The following CPA6 variants were observed in gnomAD, a reference collection of about 807,000 sequenced individuals.
CPA6 encodes carboxypeptidase A6.
CPA6 carries 58 observed loss-of-function variants against 63.3 expected under a neutral mutation model. The ratio of observed to expected loss-of-function variants is 0.92; its 90% confidence interval spans 0.74 to 1.14. The LOEUF is 1.14. Ranked by LOEUF, CPA6 falls within the 50% of genes most tolerant of loss-of-function variation. The pLI is 0.00. For missense variants in CPA6, 565 were observed against 526.6 expected (o/e 1.07, Z -0.71); for synonymous variants, 185 against 179.0 (o/e 1.03, Z -0.27).
chr8:67,526,769 A>C (rs1470141366), intron 2 of CPA6, among the ~76,000 whole-genome samples: 1 of 152,046 alleles, frequency 6.6e-6, no homozygotes, highest in Non-Finnish European at 1.5e-5. Context: ...GGCACCCTGC[A>C]TTTTTCTGTA....
At chr8:67,547,237 A>G (rs1165238186) in intron 2 of CPA6, among the ~76,000 whole-genome samples, 1 of 151,956 alleles carries the variant, frequency 6.6e-6, no homozygotes, top group Non-Finnish European at 1.5e-5. Flanking sequence ...TAGTAGATAC[A>G]GGGTTTCACT....
chr8:67,560,178 T>TATATATATATATA (rs1564000623), intron 2 of CPA6, among the ~76,000 whole-genome samples: 11 of 150,280 alleles, frequency 7.3e-5, no homozygotes, highest in South Asian at 2.1e-4. Flanking sequence ...TATATATATA[T>TATATATATATATA]TCCAGATGTA....
At chr8:67,521,417 T>C (rs2128967392) in intron 2 of CPA6, among the ~76,000 whole-genome samples, 1 of 152,362 alleles carries the variant, frequency 6.6e-6, no homozygotes, top group Admixed American at 6.5e-5. Context: ...TCCTCATGTG[T>C]ACTGTGAAGA....
At chr8:67,482,628 C>A (rs987386443) in intron 8 of CPA6, among the ~76,000 whole-genome samples, 3 of 152,132 alleles carry the variant, frequency 2.0e-5, no homozygotes, top group African/African-American at 7.2e-5. Flanking sequence ...GGTCAGGGAA[C>A]AAGGGATAGG....
rs1211819002 is a variant in CPA6, at chr8:67,607,169, C to CTCTTCTTCT, written c.192+16998_192+17006dup. Among the ~76,000 whole-genome samples the CTCTTCTTCT allele has an allele frequency of 8.2e-3, 232 of 28,370 alleles. 10 individuals carry two copies. The highest frequency in any genetic ancestry group is 0.01 in the Non-Finnish European group (174 of 17,034). The allele number at this position is 28,370 out of a possible 152,430, so 18.6% of individuals were successfully genotyped here. A position where few individuals can be genotyped will look rare whatever the true frequency, so the allele number is the denominator to read the frequency against. ...CCCCCCCCTCCTCTTCTTCTTCTTCCTCTTCTTCTTCTTCTTCTTCTTCTT... is the reference window on the plus strand; with the variant it reads ...CCCCCCCCTCCTCTTCTTCTTCTTCCTCTTCTTCTTCTTCTTCTTCTTCTTCTTCTTCTT... On this transcript the variant is annotated intron_variant, in intron 2 of 10. Transcript: ENST00000297770.
intron 2 of CPA6, among the ~76,000 whole-genome samples, chr8:67,622,077 A>C (rs559857914): frequency 6.6e-6 from 1 of 152,348 alleles, no homozygotes; most frequent in East Asian, 1.9e-4. Context: ...CACAAATATA[A>C]CAGTGCAAGT....
intron 1 of CPA6, among the ~76,000 whole-genome samples, chr8:67,663,548 T>C (rs868662346): frequency 6.6e-6 from 1 of 151,906 alleles, no homozygotes; most frequent in South Asian, 2.1e-4. Flanking sequence ...ACAGGCCCCA[T>C]TGTATGTTGT....
At chr8:67,702,196 A>G (rs927806682) in intron 1 of CPA6, among the ~76,000 whole-genome samples, 22 of 152,208 alleles carry the variant, frequency 1.4e-4, no homozygotes, top group African/African-American at 4.8e-4. Context: ...CACTGCATGC[A>G]TGTTTGTTAT....
At chr8:67,523,309 A>G (rs1812298157) in intron 2 of CPA6, among the ~76,000 whole-genome samples, 1 of 152,186 alleles carries the variant, frequency 6.6e-6, no homozygotes. Context: ...TGGGCGGATC[A>G]TGAGGTCAGG....
chr8:67,744,414 A>G (rs1158394462), intron 1 of CPA6, among the ~76,000 whole-genome samples: 3 of 152,224 alleles, frequency 2.0e-5, no homozygotes, highest in Non-Finnish European at 2.9e-5. Context: ...TACAAATTCT[A>G]TACGAAAAGG....
chr8:67,659,103 G>A (rs1816052222), intron 1 of CPA6, among the ~76,000 whole-genome samples: 1 of 152,216 alleles, frequency 6.6e-6, no homozygotes, highest in Non-Finnish European at 1.5e-5. Context: ...TGGGCTGCAA[G>A]CCCTATGCTG....
chr8:67,564,510 C>T (rs938290389), intron 2 of CPA6, among the ~76,000 whole-genome samples: 4 of 151,438 alleles, frequency 2.6e-5, no homozygotes, highest in Non-Finnish European at 5.9e-5. Context: ...AGAATATATC[C>T]TTTTACAAAA....
At chr8:67,725,012 C>G (rs1382338626) in intron 1 of CPA6, among the ~76,000 whole-genome samples, 1 of 152,172 alleles carries the variant, frequency 6.6e-6, no homozygotes, top group Admixed American at 6.5e-5. Flanking sequence ...TGTAATTAAT[C>G]TGAGTTACCT....
intron 1 of CPA6, among the ~76,000 whole-genome samples, chr8:67,630,672 T>C (rs1343424061): frequency 1.3e-5 from 2 of 152,220 alleles, no homozygotes; most frequent in Non-Finnish European, 2.9e-5. Flanking sequence ...GAGCCACTCT[T>C]TGGGCTGGCC....
chr8:67,647,639 A>G (rs1351854368), intron 1 of CPA6, among the ~76,000 whole-genome samples: 1 of 152,178 alleles, frequency 6.6e-6, no homozygotes, highest in Non-Finnish European at 1.5e-5. Flanking sequence ...ATGTAATGAA[A>G]TTGTTCTCTG....
At chr8:67,590,213 A>G (rs1814076855) in intron 2 of CPA6, among the ~76,000 whole-genome samples, 1 of 152,084 alleles carries the variant, frequency 6.6e-6, no homozygotes, top group Non-Finnish European at 1.5e-5. Flanking sequence ...TACAAAGGAC[A>G]TGAACTCATC....
intron 1 of CPA6, among the ~76,000 whole-genome samples, chr8:67,740,500 A>C (rs1043813050): frequency 1.3e-5 from 2 of 152,186 alleles, no homozygotes; most frequent in Admixed American, 6.5e-5. Flanking sequence ...ATTTCTCACA[A>C]TCCTTTTGTC....
At chr8:67,568,115 G>T (rs965198593) in intron 2 of CPA6, among the ~76,000 whole-genome samples, 2 of 152,110 alleles carry the variant, frequency 1.3e-5, no homozygotes, top group Admixed American at 6.5e-5. Context: ...GTACGAGCTG[G>T]CCCATCCACA....
intron 1 of CPA6, among the ~76,000 whole-genome samples, chr8:67,716,368 A>G (rs58130056): frequency 0.012 from 1,813 of 152,244 alleles, 37 homozygotes; most frequent in African/African-American, 0.042. Flanking sequence ...CAATCAACAC[A>G]TGTAAGGTGT....
Sources: gnomAD v4.1 joint callset for allele counts (sites outside exome capture counted in the v4.1 genomes callset) on GRCh38, gnomAD v4.1.1 for gene constraint, MANE v1.5 for transcripts, NCBI Gene and HGNC (gene_info 2026-07-23, HGNC 2026-07-21) for gene names.